Variants in PTPRF observed in about 807,000 individuals in gnomAD.
PTPRF encodes the protein receptor-type tyrosine-protein phosphatase F.
Under a neutral mutation model 201.8 loss-of-function variants are expected in PTPRF, and 59 were observed. The observed-to-expected ratio is 0.29, with a 90% confidence interval of 0.24 to 0.36. The LOEUF (loss-of-function observed/expected upper bound fraction) is 0.36, where lower values mean the gene tolerates loss of function less well. Among genes scored for constraint, PTPRF ranks in the 10% least tolerant of loss-of-function variants. The pLI is 1.00. For missense variants in PTPRF, 2,132 were observed against 2,690.5 expected, an observed-to-expected ratio of 0.79 and a Z score of 4.59; for synonymous variants, 1,088 against 1,089.7, an observed-to-expected ratio of 1.00 and a Z score of 0.03.
At chr1:43,528,087 C>T (rs774274116), upstream of PTPRF, among the ~76,000 whole-genome samples, 1 of 152,244 alleles carries the variant, frequency 6.6e-6, no homozygotes, top group African/African-American at 2.4e-5. Context: ...GGCACAGATA[C>T]AAACAGTGGT....
intron 25 of PTPRF, 137 bp downstream of exon 25, chr1:43,618,048 G>A (rs373678584): frequency 1.6e-5 from 15 of 910,148 alleles, no homozygotes; most frequent in African/African-American, 1.0e-4. Context: ...GTTACTGGGG[G>A]TATTATGCTC....
chr1:43,529,619 T>C (rs1469334164), upstream of PTPRF, among the ~76,000 whole-genome samples: 2 of 150,098 alleles, frequency 1.3e-5, no homozygotes, highest in Admixed American at 6.6e-5. Context: ...TGGTGAAGCC[T>C]AGCAAGCGGC....
intron 31 of PTPRF, 32 bp downstream of exon 31, chr1:43,620,611 C>A: frequency 1.2e-6 from 2 of 1,606,028 alleles, no homozygotes; most frequent in Middle Eastern, 3.3e-4. Context: ...GTCCATAACG[C>A]TGCCTGTCCA....
At chr1:43,532,915 C>T (rs911385275) in intron 1 of PTPRF, among the ~76,000 whole-genome samples, 3 of 152,146 alleles carry the variant, frequency 2.0e-5, no homozygotes, top group Admixed American at 1.3e-4. Context: ...GCTTTCTTGC[C>T]CCCTCTCGCA....
In PTPRF at chr1:43,592,577, A is replaced by C; in HGVS notation, c.1789A>C (p.Ile597Leu). The change falls in exon 11 of 34, where the codon ATT becomes CTT. Residue 597 changes from isoleucine (I) to leucine (L), a missense_variant. Ile to Leu is a conservative substitution (Grantham distance 5, BLOSUM62 2). Transcript: ENST00000359947. ...GGGGGTGGGCGTCTTCACCCCCACC[A>C]TTGAGGCCCGCACAGCCCAGTCCAG... ...DMGVGVFTPT[I>L]EARTAQSTPS... The C allele has an allele frequency of 6.2e-7, 1 of 1,604,214 alleles. No homozygotes were observed. Among genetic ancestry groups the C allele is most frequent in the Non-Finnish European group, 8.5e-7 (1 of 1,176,242 alleles).
intron 7 of PTPRF, among the ~76,000 whole-genome samples, chr1:43,584,749 G>A (rs1322189711): frequency 6.6e-6 from 1 of 152,184 alleles, no homozygotes; most frequent in East Asian, 1.9e-4. Context: ...CTGCTCTGCG[G>A]CAGCCACAAG....
chr1:43,601,653 C>T (rs993846229), intron 13 of PTPRF, among the ~76,000 whole-genome samples: 6 of 152,236 alleles, frequency 3.9e-5, no homozygotes, highest in African/African-American at 1.4e-4. Flanking sequence ...CGAGGCAAAC[C>T]AGGGCATATG....
In PTPRF at chr1:43,603,874, A is replaced by G; in HGVS notation, c.2722A>G (p.Ile908Val). 6.2e-7 allele frequency: 1 copy of G among 1,614,022 alleles called. No homozygotes were observed. The highest frequency in any genetic ancestry group is 1.7e-5 in the Admixed American group (1 of 60,018). ...AGLGEEFEKE[I>V]RTPEDLPSGF... is the part of the protein sequence containing the mutation. ...CTTGGGTGAGGAGTTCGAGAAGGAG[A>G]TCAGGACCCCCGAGGACCTGCCCAG... The change falls in exon 16 of 34, where the codon ATC becomes GTC. Residue 908 changes from isoleucine (I) to valine (V), a missense_variant. By Grantham distance (29) the Ile-to-Val change is conservative. Coordinates refer to ENST00000359947, the MANE Select transcript of PTPRF (RefSeq NM_002840.5). The surrounding 1 kb of genome is among the most constrained non-coding windows in gnomAD (Gnocchi z 5.8).
chr1:43,533,771 C>T (rs1038736964), intron 1 of PTPRF, among the ~76,000 whole-genome samples: 2 of 152,190 alleles, frequency 1.3e-5, no homozygotes, highest in African/African-American at 4.8e-5. Context: ...GCCCTACCCT[C>T]GAGAAGCTCG....
intron 3 of PTPRF, 58 bp downstream of exon 3, chr1:43,545,224 G>A (rs1413285010): frequency 6.6e-7 from 1 of 1,513,372 alleles, no homozygotes. Flanking sequence ...ATCCTTCCCA[G>A]CAGGACTCTG....
upstream of PTPRF, among the ~76,000 whole-genome samples, chr1:43,526,171 T>C (rs905548688): frequency 2.0e-5 from 3 of 152,048 alleles, no homozygotes; most frequent in Non-Finnish European, 4.4e-5. Context: ...GATTTGGTAG[T>C]GGGAGATGAG....
At chr1:43,576,489 G>A (rs1646938010) in intron 6 of PTPRF, among the ~76,000 whole-genome samples, 1 of 152,320 alleles carries the variant, frequency 6.6e-6, no homozygotes, top group South Asian at 2.1e-4. Flanking sequence ...AGGTAAACAG[G>A]CTCGTGCGTA....
chr1:43,522,336 T>C (rs1347514149), upstream of PTPRF, among the ~76,000 whole-genome samples: 1 of 152,098 alleles, frequency 6.6e-6, no homozygotes, highest in Non-Finnish European at 1.5e-5. Context: ...AAAGAGTAAC[T>C]CTCCCCTGCT....
At chr1:43,600,641 T>C (rs1653523794) in intron 13 of PTPRF, among the ~76,000 whole-genome samples, 1 of 151,456 alleles carries the variant, frequency 6.6e-6, no homozygotes, top group Non-Finnish European at 1.5e-5. Flanking sequence ...AGGAACTATG[T>C]GGTGCAGGTT....
intron 11 of PTPRF, among the ~76,000 whole-genome samples, chr1:43,592,867 GGTAA>G (rs1402081709): frequency 6.6e-6 from 1 of 152,132 alleles, no homozygotes; most frequent in Non-Finnish European, 1.5e-5. Flanking sequence ...ACACTGCCCA[GGTAA>G]GTTCTGTGTC....
intron 12 of PTPRF, 128 bp from the exon 13 acceptor site, chr1:43,598,591 TA>T: frequency 1.1e-6 from 1 of 875,586 alleles, no homozygotes; most frequent in African/African-American, 1.7e-5. Flanking sequence ...ACAGATGATC[TA>T]AGGAAACTGT....
chr1:43,536,131 C>T (rs1015600755), intron 1 of PTPRF, among the ~76,000 whole-genome samples: 1 of 152,192 alleles, frequency 6.6e-6, no homozygotes, highest in Non-Finnish European at 1.5e-5. Context: ...GCTTTCTAGT[C>T]AACCTTCCAG....
chr1:43,597,125 G>A (rs1211899294), intron 11 of PTPRF, among the ~76,000 whole-genome samples: 3 of 151,784 alleles, frequency 2.0e-5, no homozygotes, highest in Non-Finnish European at 4.4e-5. Context: ...AGAGACACGT[G>A]TGAGACACTG....
At chr1:43,584,552 C>T (rs2154003899) in intron 7 of PTPRF, among the ~76,000 whole-genome samples, 1 of 152,290 alleles carries the variant, frequency 6.6e-6, no homozygotes, top group East Asian at 1.9e-4. Context: ...CTCCCTTCCC[C>T]CACCCCACCC....
Sources: gnomAD v4.1 joint callset for allele counts (sites outside exome capture counted in the v4.1 genomes callset) on GRCh38, gnomAD v4.1.1 for gene constraint, Gnocchi (gnomAD v3.1) non-coding constraint, MANE v1.5 for transcripts, NCBI Gene and HGNC (gene_info 2026-07-23, HGNC 2026-07-21) for gene names.